The following BLM variants were observed in gnomAD, a reference collection of about 807,000 sequenced individuals.
BLM encodes the protein BLM RecQ like helicase, also known as recQ-like DNA helicase BLM.
BLM carries 95 observed loss-of-function variants against 135.3 expected under a neutral mutation model. That is an observed-to-expected ratio of 0.70 (90% CI 0.59 to 0.83). The LOEUF is 0.83. BLM is among the 40% of genes least tolerant of loss of function. BLM has a pLI of 0.00. For missense variants in BLM, 1,518 were observed against 1,663.9 expected (o/e 0.91, Z 1.53); for synonymous variants, 520 against 589.2 (o/e 0.88, Z 1.70).
At position 90,798,292 on chromosome 15, in the gene BLM, C is replaced by G. The variant is rs369142038; in HGVS notation, c.3313C>G (p.Pro1105Ala). Residue 1105 changes from proline (P) to alanine (A), a missense_variant, in exon 17 of 22, where the codon CCT becomes GCT. Pro to Ala is a conservative substitution (Grantham distance 27). Coordinates refer to ENST00000355112, the MANE Select transcript of BLM (RefSeq NM_000057.4). Reference protein sequence around the residue: ...QGMRNIKHVGPSGRFTMNMLV... With the variant: ...QGMRNIKHVGASGRFTMNMLV... ...AATGAGAAATATAAAACATGTAGGT[C>G]CTTCTGGAAGATTTACTATGAATAT... The G allele has an allele frequency of 3.7e-6, 6 of 1,612,734 alleles. No individual in the cohort carries two copies. The highest frequency in any genetic ancestry group is 5.1e-6 in the Non-Finnish European group (6 of 1,179,316).
Position 90,786,529 on chromosome 15 carries a change from T to A in BLM, c.2823+1448T>A, listed in dbSNP as rs776154521. On this transcript the variant is annotated intron_variant, in intron 14 of 21. Coordinates refer to ENST00000355112, the MANE Select transcript of BLM (RefSeq NM_000057.4). Reference sequence around the variant, plus strand: ...CAGTGTCTCCACGTCTTCACCAATATTTTTTATTGTCCAGCTTTTTTAATG... The same window carrying A: ...CAGTGTCTCCACGTCTTCACCAATAATTTTTATTGTCCAGCTTTTTTAATG... 2.6e-5 allele frequency among the ~76,000 whole-genome samples: 4 copies of A among 152,216 alleles called. No homozygotes were observed. In the East Asian group the frequency reaches 5.8e-4, roughly 22 times the overall value.
rs1897350617 is a variant in BLM at position 90,809,241 on chromosome 15, T to C, written c.3856T>C (p.Ser1286Pro). 6.2e-7 allele frequency: 1 copy of C among 1,614,208 alleles called. No individual in the cohort carries two copies. The highest frequency in any genetic ancestry group is 2.2e-5 in the East Asian group (1 of 44,896). ...AGTGATTTCAGTATTACAGAAATAC[T>C]CTGAATGGACATCGCCAGGTTAGTA... Reference protein sequence around the residue: ...AEVISVLQKYSEWTSPAEDSS... With the variant: ...AEVISVLQKYPEWTSPAEDSS... Residue 1286 changes from serine to proline, a missense_variant, in exon 20 of 22, where the codon TCT becomes CCT. Physicochemically the swap from Ser to Pro is moderately conservative, Grantham distance 74. Around this residue, in one of 5 missense-constraint regions of BLM, gnomAD observed 153 missense variants for 173.4 expected, o/e 0.88. Coordinates refer to ENST00000355112, the MANE Select transcript of BLM (RefSeq NM_000057.4).
chr15:90,742,707 T>C (rs1022137771), intron 1 of BLM, among the ~76,000 whole-genome samples: 6 of 152,076 alleles, frequency 3.9e-5, no homozygotes, highest in Admixed American at 3.9e-4. Flanking sequence ...TGATCATGGC[T>C]CACTGAAACC....
At position 90,809,188 on chromosome 15, in the gene BLM, A is replaced by T. The variant is rs1897348799; in HGVS notation, c.3803A>T (p.Glu1268Val). The part of the protein sequence containing the change: ...EVLLQIDGVT[E>V]DKLEKYGAEV... Reference sequence around the variant, plus strand: ...TTGCTTCAAATTGATGGTGTTACTGAAGACAAACTGGAAAAATATGGTGCG... The same window carrying T: ...TTGCTTCAAATTGATGGTGTTACTGTAGACAAACTGGAAAAATATGGTGCG... Residue 1268 changes from glutamate to valine, a missense_variant, in exon 20 of 22, where the codon GAA (glutamate) becomes GTA (valine). Coordinates refer to ENST00000355112, the MANE Select transcript of BLM (RefSeq NM_000057.4). 2.5e-6 allele frequency: 4 copies of T among 1,614,176 alleles called. No homozygotes were observed. The highest frequency in any genetic ancestry group is 1.6e-4 in the Middle Eastern group (1 of 6,062).
chr15:90,717,701 G>A (rs927471118), intron 1 of BLM, among the ~76,000 whole-genome samples: 1 of 152,244 alleles, frequency 6.6e-6, no homozygotes, highest in Non-Finnish European at 1.5e-5. Context: ...CATGGGCTAG[G>A]ACCTGGCATG....
chr15:90,740,003 G>A (rs1895322700), intron 1 of BLM, among the ~76,000 whole-genome samples: 3 of 152,178 alleles, frequency 2.0e-5, no homozygotes, highest in East Asian at 3.9e-4. Flanking sequence ...GGGCTCAAGC[G>A]ATCCCCCCGC....
intron 17 of BLM, among the ~76,000 whole-genome samples, chr15:90,799,900 G>A (rs1239118519): frequency 6.6e-6 from 1 of 151,692 alleles, no homozygotes; most frequent in East Asian, 1.9e-4. Context: ...GAGAAGGAGG[G>A]GGGCACTTAT....
chr15:90,794,728 A>T (rs1270720173), intron 16 of BLM, among the ~76,000 whole-genome samples: 2 of 148,974 alleles, frequency 1.3e-5, no homozygotes, highest in Non-Finnish European at 3.0e-5. Context: ...AATACATTAT[A>T]TTAAAAATTT....
chr15:90,810,089 C>T (rs1436557410), intron 20 of BLM, among the ~76,000 whole-genome samples: 2 of 137,162 alleles, frequency 1.5e-5, no homozygotes, highest in African/African-American at 5.2e-5. Flanking sequence ...TTTTTTTTGA[C>T]AGAGTCTCAC....
intron 1 of BLM, among the ~76,000 whole-genome samples, chr15:90,743,098 G>C (rs978481797): frequency 7.3e-5 from 11 of 150,608 alleles, no homozygotes; most frequent in African/African-American, 2.7e-4. Context: ...TGGGCTCAAG[G>C]GATACTCCCA....
chr15:90,809,423 G>A (rs1418970108), intron 20 of BLM, among the ~76,000 whole-genome samples, 164 bp downstream of exon 20: 1 of 152,178 alleles, frequency 6.6e-6, no homozygotes, highest in Non-Finnish European at 1.5e-5. Flanking sequence ...GAGGACACTA[G>A]TGCTTATGCC....
intron 9 of BLM, among the ~76,000 whole-genome samples, chr15:90,766,579 C>T (rs1195131528): frequency 1.3e-5 from 2 of 152,122 alleles, no homozygotes; most frequent in African/African-American, 2.4e-5. Flanking sequence ...AGGCACCTGC[C>T]ACCACGCCAG....
At chr15:90,745,765 A>G (rs137961228) in intron 1 of BLM, among the ~76,000 whole-genome samples, 5 of 152,236 alleles carry the variant, frequency 3.3e-5, no homozygotes, top group African/African-American at 1.2e-4. Flanking sequence ...CTGCATCATT[A>G]TTTTGAAACT....
chr15:90,769,119 T>C lies in BLM; in HGVS notation c.2308-14T>C, dbSNP rs769429931. 7 of 1,567,202 alleles carry C rather than the reference T, an allele frequency of 4.5e-6. No homozygotes were observed. Among genetic ancestry groups the C allele is most frequent in the East Asian group, 2.2e-5 (1 of 44,662 alleles). ...TTTCAGTGTTTTTACATGTCTAATG[T>C]ATTTCTGGCCTAGATCTGTGCAAGT... On this transcript the variant is annotated splice_polypyrimidine_tract_variant and intron_variant, in intron 10 of 21. Coordinates refer to ENST00000355112, the MANE Select transcript of BLM (RefSeq NM_000057.4).
chr15:90,779,187 T>C (rs1460140915), intron 12 of BLM, among the ~76,000 whole-genome samples: 3 of 152,118 alleles, frequency 2.0e-5, no homozygotes, highest in African/African-American at 2.4e-5. Context: ...GCCCAGCCTA[T>C]GTTTAACGTT....
intron 12 of BLM, among the ~76,000 whole-genome samples, chr15:90,772,534 G>A (rs1218411175): frequency 2.6e-5 from 4 of 152,172 alleles, no homozygotes; most frequent in Admixed American, 6.5e-5. Context: ...TCATTCTACA[G>A]GTGAGGAAAT....
intron 14 of BLM, 110 bp from the exon 15 acceptor site, chr15:90,790,539 T>C (rs1478921457): frequency 1.0e-6 from 1 of 1,002,906 alleles, no homozygotes; most frequent in East Asian, 2.4e-5. Context: ...TGTTATGTAG[T>C]GTGCATTTTA....
At chr15:90,759,711 A>AT (rs1895911285) in intron 5 of BLM, among the ~76,000 whole-genome samples, 1 of 151,820 alleles carries the variant, frequency 6.6e-6, no homozygotes, top group South Asian at 2.1e-4. Context: ...GGTTCAAGCG[A>AT]TTCTCCTGCC....
At chr15:90,796,110 G>C (rs978577827) in intron 16 of BLM, among the ~76,000 whole-genome samples, 1 of 152,224 alleles carries the variant, frequency 6.6e-6, no homozygotes, top group South Asian at 2.1e-4. Context: ...TTGAGGGCTA[G>C]AGTCCCAGAG....
Sources: allele counts gnomAD v4.1 joint callset (sites outside exome capture counted in the v4.1 genomes callset), GRCh38; gene constraint gnomAD v4.1.1; regional missense constraint gnomAD v4.1.1; transcripts MANE v1.5; gene names NCBI Gene and HGNC (gene_info 2026-07-23, HGNC 2026-07-21).